CNNM2: variants seen among roughly 807,000 people sequenced by gnomAD.
The protein encoded by CNNM2 is metal transporter CNNM2.
In CNNM2, 12 loss-of-function variants were observed where a neutral mutation model predicts 66.9. That is an observed-to-expected ratio of 0.18 (90% confidence interval 0.11 to 0.29). The LOEUF (loss-of-function observed/expected upper bound fraction) is 0.29. CNNM2 is among the 10% of genes least tolerant of loss of function. The pLI is 1.00. For missense variants in CNNM2, 705 were observed against 1,167.7 expected, an observed-to-expected ratio of 0.60 and a Z score of 5.77; for synonymous variants, 557 against 501.8, an observed-to-expected ratio of 1.11 and a Z score of -1.47.
intron 1 of CNNM2, among the ~76,000 whole-genome samples, chr10:103,011,844 C>T (rs1159544237): frequency 1.3e-5 from 2 of 152,064 alleles, no homozygotes; most frequent in Non-Finnish European, 2.9e-5. Flanking sequence ...AGGCACGCGC[C>T]ACCATGCCCA....
At chr10:103,057,121 A>G (rs942177161) in intron 4 of CNNM2, among the ~76,000 whole-genome samples, 157 bp downstream of exon 4, 1 of 152,322 alleles carries the variant, frequency 6.6e-6, no homozygotes. Context: ...ATATCTGTAA[A>G]GTAATTCTAA....
intron 1 of CNNM2, among the ~76,000 whole-genome samples, chr10:103,008,046 GTC>G (rs1423326749): frequency 6.6e-6 from 1 of 151,948 alleles, no homozygotes; most frequent in African/African-American, 2.4e-5. Context: ...TTTGCTCTAT[GTC>G]TCTGAAATTG....
intron 1 of CNNM2, among the ~76,000 whole-genome samples, chr10:102,983,224 T>G (rs1213345628): frequency 1.3e-5 from 2 of 151,344 alleles, no homozygotes; most frequent in African/African-American, 4.8e-5. Context: ...TGTGTTTTGC[T>G]TTTTTGATAA....
intron 1 of CNNM2, among the ~76,000 whole-genome samples, chr10:102,957,817 G>A (rs546973859): frequency 6.6e-6 from 1 of 152,168 alleles, no homozygotes; most frequent in Admixed American, 6.5e-5. Flanking sequence ...GCTTACCTGG[G>A]CATTACTTGT....
At chr10:102,960,885 A>T (rs2134203529) in intron 1 of CNNM2, among the ~76,000 whole-genome samples, 1 of 139,740 alleles carries the variant, frequency 7.2e-6, no homozygotes, top group South Asian at 2.3e-4. Flanking sequence ...TCCTGAGTTC[A>T]AGTGATTCTC....
intron 1 of CNNM2, among the ~76,000 whole-genome samples, chr10:103,023,308 T>C (rs2064628311): frequency 6.6e-6 from 1 of 151,972 alleles, no homozygotes; most frequent in Non-Finnish European, 1.5e-5. Flanking sequence ...TCCCAACACT[T>C]TGGGTGGCTG....
chr10:102,965,449 T>C (rs1338294916), intron 1 of CNNM2, among the ~76,000 whole-genome samples: 8 of 152,224 alleles, frequency 5.3e-5, no homozygotes, highest in Non-Finnish European at 1.0e-4. Flanking sequence ...CGGCTGTCGT[T>C]GTGCGCCTCC....
chr10:103,076,883 G>A lies in CNNM2; in HGVS notation c.2419-88G>A. 1 of 1,183,532 alleles carries A rather than the reference G, an allele frequency of 8.4e-7. No individual in the cohort carries two copies. Among genetic ancestry groups the A allele is most frequent in the Non-Finnish European group, 1.2e-6 (1 of 807,738 alleles). The allele number at this position is 1,183,532 out of a possible 1,614,324, so 73.3% of individuals were successfully genotyped here. On this transcript the variant is annotated intron_variant, in intron 7 of 7. Coordinates refer to ENST00000369878, the MANE Select transcript of CNNM2 (RefSeq NM_017649.5). Reference sequence around the variant, plus strand: ...ATTTTCTCCTAGAGAGGCTGCTGTGGGCCTGTCGGGATTGAACGTGTGGAG... The same window carrying A: ...ATTTTCTCCTAGAGAGGCTGCTGTGAGCCTGTCGGGATTGAACGTGTGGAG...
intron 1 of CNNM2, among the ~76,000 whole-genome samples, chr10:102,974,974 C>T (rs1441823790): frequency 1.3e-5 from 2 of 152,118 alleles, no homozygotes; most frequent in Admixed American, 1.3e-4. Flanking sequence ...GAACTTGGGG[C>T]ATGGGAAGCC....
In CNNM2 at chr10:103,081,940, C is replaced by T. The variant is rs1046511943; in HGVS notation, c.*4760C>T. ...TTGGCTCAGCTCAAGTAAGCACGTT[C>T]TCTCTGTATGCTAGAGCTACTGACA... On this transcript the variant is annotated 3_prime_UTR_variant, in exon 8 of 8. Coordinates refer to ENST00000369878, the MANE Select transcript of CNNM2 (RefSeq NM_017649.5). The T allele has an allele frequency of 7.9e-5, 12 of 152,360 alleles. No individual in the cohort carries two copies. Among genetic ancestry groups the T allele is most frequent in the African/African-American group, 2.4e-4 (10 of 41,576 alleles). 9.4% of individuals were successfully genotyped at this position (152,360 alleles called of 1,614,324 possible).
At chr10:103,031,604 C>G (rs2064819922) in intron 1 of CNNM2, among the ~76,000 whole-genome samples, 1 of 152,038 alleles carries the variant, frequency 6.6e-6, no homozygotes, top group African/African-American at 2.4e-5. Context: ...TTCCACTCAC[C>G]CGATGTCTTA....
chr10:102,925,682 A>C (rs1223678364), intron 1 of CNNM2, among the ~76,000 whole-genome samples: 1 of 152,164 alleles, frequency 6.6e-6, no homozygotes, highest in East Asian at 1.9e-4. Flanking sequence ...TGAAAAAACA[A>C]ATAGTGAGTG....
chr10:103,040,891 C>T (rs575396904), intron 1 of CNNM2, among the ~76,000 whole-genome samples: 1 of 152,134 alleles, frequency 6.6e-6, no homozygotes, highest in Non-Finnish European at 1.5e-5. Flanking sequence ...AAATACAAGA[C>T]CCAGACCTGA....
chr10:102,989,487 T>A (rs1187593338), intron 1 of CNNM2, among the ~76,000 whole-genome samples: 1 of 149,790 alleles, frequency 6.7e-6, no homozygotes, highest in Non-Finnish European at 1.5e-5. Context: ...AAAGTGAGTT[T>A]AAAAAAAAAA....
intron 1 of CNNM2, among the ~76,000 whole-genome samples, chr10:103,040,885 A>G (rs1033807510): frequency 1.3e-5 from 2 of 152,326 alleles, no homozygotes; most frequent in Non-Finnish European, 2.9e-5. Context: ...CTTGTAAAAT[A>G]CAAGACCCAG....
rs568746688 is a variant in CNNM2, at chr10:102,939,794, A to T, written c.1621+19693A>T. Reference sequence around the variant, plus strand: ...AAGATCAGCATGACCAACATGGTGAAACACCGTCTCTACTAAAAATACAAA... The same window carrying T: ...AAGATCAGCATGACCAACATGGTGATACACCGTCTCTACTAAAAATACAAA... On this transcript the variant is annotated intron_variant, in intron 1 of 7. Transcript: ENST00000369878. Among the ~76,000 whole-genome samples, 3 of 152,284 alleles carry T rather than the reference A, an allele frequency of 2.0e-5. No homozygotes were observed. In the East Asian group the frequency reaches 5.8e-4, roughly 29 times the overall value.
chr10:103,018,676 CTCT>C (rs758532072), intron 1 of CNNM2, among the ~76,000 whole-genome samples: 1 of 135,760 alleles, frequency 7.4e-6, no homozygotes, highest in South Asian at 2.5e-4. Context: ...GGTAAATATA[CTCT>C]TCTTTCCTTT....
intron 1 of CNNM2, among the ~76,000 whole-genome samples, chr10:103,032,340 A>C (rs916350123): frequency 3.9e-5 from 6 of 152,084 alleles, no homozygotes; most frequent in African/African-American, 1.2e-4. Context: ...AATTCCAGCT[A>C]CTCAGGAGGC....
rs1307155443 is a variant in CNNM2 at position 102,918,425 on chromosome 10, C to A, written c.-56C>A. ...TTGCAGTCTCGCCCAGGGGCCGGTA[C>A]CTGCGCTCGCGCCGCCGGGTTGAAA... On this transcript the variant is annotated 5_prime_UTR_variant, in exon 1 of 8. Transcript: ENST00000369878. The surrounding 1 kb of genome is among the most constrained non-coding windows in gnomAD (Gnocchi z 4.1). 1.3e-6 allele frequency: 2 copies of A among 1,565,996 alleles called. No individual in the cohort carries two copies. Among genetic ancestry groups the A allele is most frequent in the Non-Finnish European group, 1.7e-6 (2 of 1,162,304 alleles).
Sources: gnomAD v4.1 joint callset for allele counts (sites outside exome capture counted in the v4.1 genomes callset) on GRCh38, gnomAD v4.1.1 for gene constraint, Gnocchi (gnomAD v3.1) non-coding constraint, MANE v1.5 for transcripts, NCBI Gene and HGNC (gene_info 2026-07-23, HGNC 2026-07-21) for gene names.